The following STAP1 variants were observed in gnomAD, a reference collection of about 807,000 sequenced individuals.
STAP1 encodes the protein signal transducing adaptor family member 1, also known as signal-transducing adaptor protein 1.
A neutral mutation model predicts 37.8 loss-of-function variants in STAP1; 30 were observed. The ratio of observed to expected loss-of-function variants is 0.79; its 90% CI spans 0.59 to 1.08. The LOEUF is 1.08. STAP1 is among the 50% of genes least tolerant of loss of function. The pLI, the probability that STAP1 is intolerant of heterozygous loss-of-function variation, is 0.00. For missense variants in STAP1, 357 were observed against 349.4 expected, an observed-to-expected ratio of 1.02 and a Z score of -0.17; for synonymous variants, 130 against 116.0, an observed-to-expected ratio of 1.12 and a Z score of -0.78.
intron 4 of STAP1, among the ~76,000 whole-genome samples, chr4:67,578,851 CAG>C (rs1197873094): frequency 7.2e-6 from 1 of 138,304 alleles, no homozygotes; most frequent in African/African-American, 2.7e-5. Context: ...TTTTTTGAGA[CAG>C]AGTCTCACTC....
intron 8 of STAP1, among the ~76,000 whole-genome samples, chr4:67,602,696 C>T (rs944183454): frequency 2.6e-5 from 4 of 152,156 alleles, no homozygotes; most frequent in African/African-American, 4.8e-5. Context: ...TACTTTCCCC[C>T]CAACAAATGG....
chr4:67,566,354 G>A (rs781148660), intron 1 of STAP1, among the ~76,000 whole-genome samples: 1 of 152,154 alleles, frequency 6.6e-6, no homozygotes, highest in Non-Finnish European at 1.5e-5. Context: ...AGATCAGTTA[G>A]TTACTTTTAT....
At chr4:67,599,527 T>G (rs1043210225) in intron 8 of STAP1, among the ~76,000 whole-genome samples, 1 of 152,162 alleles carries the variant, frequency 6.6e-6, no homozygotes, top group Non-Finnish European at 1.5e-5. Context: ...AATTATCCTT[T>G]TAATTTCTGT....
chr4:67,595,975 A>G (rs912289438), intron 8 of STAP1, among the ~76,000 whole-genome samples: 11 of 142,146 alleles, frequency 7.7e-5, no homozygotes, highest in Admixed American at 1.4e-4. Flanking sequence ...ATTGGCACAC[A>G]TTTTGATTTA....
chr4:67,581,316 C>G lies in STAP1; in HGVS notation c.375C>G (p.Pro125=). Residue 125 remains proline, a synonymous_variant, in exon 5 of 9, where the codon CCC becomes CCG. Transcript: ENST00000265404. ...FILTVTELSV[P]QNVSLLPGQV... ...TTAATTGGTTTCAGCTGTCAGTTCC[C>G]CAAAACGTGTCACTCCTACCTGGGC... is the stretch of plus-strand genomic sequence containing the variant. 3.1e-6 allele frequency: 5 copies of G among 1,611,358 alleles called. No homozygotes were observed. Among genetic ancestry groups the G allele is most frequent in the Non-Finnish European group, 4.2e-6 (5 of 1,179,192 alleles).
chr4:67,571,248 T>C, intron 2 of STAP1, 93 bp downstream of exon 2: 1 of 823,840 alleles, frequency 1.2e-6, no homozygotes, highest in Non-Finnish European at 1.9e-6. Flanking sequence ...CATCCAAGAA[T>C]AAAGATGCTC....
At chr4:67,591,507 G>T (rs1274753328) in intron 7 of STAP1, among the ~76,000 whole-genome samples, 1 of 152,146 alleles carries the variant, frequency 6.6e-6, no homozygotes, top group Admixed American at 6.5e-5. Context: ...TGAGATAATT[G>T]GTATTTACAC....
At chr4:67,560,111 G>T (rs551863754) in intron 1 of STAP1, among the ~76,000 whole-genome samples, 15 of 152,264 alleles carry the variant, frequency 9.9e-5, no homozygotes, top group African/African-American at 3.6e-4. Context: ...AAATCAGGTT[G>T]TTCATTGAAT....
intron 8 of STAP1, among the ~76,000 whole-genome samples, chr4:67,599,045 T>C (rs1190385005): frequency 6.6e-6 from 1 of 152,246 alleles, no homozygotes; most frequent in East Asian, 1.9e-4. Context: ...TGAGTCATCC[T>C]TGTATCCCAG....
rs946040522 is a variant in STAP1, at chr4:67,607,256, G to C, written c.*899G>C. ...TTGACAACTCAAGGAGAGAGGCCTC[G>C]GGGGGAAAAAAAGATCAACCTGGCC... On this transcript the variant is annotated 3_prime_UTR_variant, in exon 9 of 9. Transcript: ENST00000265404. The C allele has an allele frequency of 1.3e-5, 2 of 151,996 alleles. No individual in the cohort carries two copies. Among genetic ancestry groups the C allele is most frequent in the African/African-American group, 4.8e-5 (2 of 41,388 alleles). The allele number at this position is 151,996 out of a possible 1,614,324, so 9.4% of individuals were successfully genotyped here.
In STAP1 at chr4:67,560,828, TTA is replaced by T. The variant is rs370014068; in HGVS notation, c.120+1902_120+1903del. Among the ~76,000 whole-genome samples, 65 of 152,262 alleles carry T rather than the reference TTA, an allele frequency of 4.3e-4. No homozygotes were observed. The East Asian group carries it at 0.012, about 28-fold the overall frequency. ...CACACCCGGCTAACGTTTGTATTGT[TTA>T]TAGAGACAGGGTTTCATCACGTTGT... On this transcript the variant is annotated intron_variant, in intron 1 of 8. Coordinates refer to ENST00000265404, the MANE Select transcript of STAP1 (RefSeq NM_012108.4).
intron 7 of STAP1, 77 bp downstream of exon 7, chr4:67,591,030 C>A: frequency 9.0e-7 from 1 of 1,114,820 alleles, no homozygotes; most frequent in African/African-American, 1.6e-5. Context: ...CAAAAAGCAG[C>A]CAAGTTAAGG....
chr4:67,560,643 G>T (rs148263782), intron 1 of STAP1, among the ~76,000 whole-genome samples: 293 of 149,600 alleles, frequency 2.0e-3, no homozygotes, highest in East Asian at 0.013. Flanking sequence ...TGTGTGTGTG[G>T]GTGTGTGTCT....
chr4:67,601,747 T>C (rs951178659), intron 8 of STAP1, among the ~76,000 whole-genome samples: 1 of 152,250 alleles, frequency 6.6e-6, no homozygotes, highest in African/African-American at 2.4e-5. Flanking sequence ...TTTTGTTTGT[T>C]GCTTTTCTCT....
chr4:67,567,734 A>G (rs905552419), intron 1 of STAP1, among the ~76,000 whole-genome samples: 1 of 152,188 alleles, frequency 6.6e-6, no homozygotes, highest in Non-Finnish European at 1.5e-5. Context: ...GCATGTGTCA[A>G]GTCTAGGCTA....
intron 8 of STAP1, among the ~76,000 whole-genome samples, chr4:67,595,401 A>C (rs867216488): frequency 7.4e-6 from 1 of 134,288 alleles, no homozygotes; most frequent in Non-Finnish European, 1.6e-5. Flanking sequence ...AAAAAAAAAA[A>C]TGCTGGGTAT....
chr4:67,589,705 C>A (rs1728079923), intron 6 of STAP1, among the ~76,000 whole-genome samples: 2 of 152,152 alleles, frequency 1.3e-5, no homozygotes, highest in Non-Finnish European at 2.9e-5. Context: ...GAATTCAAGA[C>A]AAACATACTC....
intron 2 of STAP1, among the ~76,000 whole-genome samples, chr4:67,573,634 T>C (rs1331602297): frequency 4.6e-5 from 7 of 152,218 alleles, no homozygotes; most frequent in Non-Finnish European, 1.0e-4. Flanking sequence ...AAAATTGACA[T>C]ATAAAATTGT....
intron 5 of STAP1, among the ~76,000 whole-genome samples, chr4:67,583,000 G>T (rs1409800689): frequency 6.6e-6 from 1 of 152,156 alleles, no homozygotes; most frequent in African/African-American, 2.4e-5. Context: ...CTTACAGTGG[G>T]TTTATCGGGA....
Sources: allele counts gnomAD v4.1 joint callset (sites outside exome capture counted in the v4.1 genomes callset), GRCh38; gene constraint gnomAD v4.1.1; transcripts MANE v1.5; gene names NCBI Gene and HGNC (gene_info 2026-07-23, HGNC 2026-07-21).